VEZT: variants seen among roughly 807,000 people sequenced by gnomAD.
VEZT encodes vezatin, adherens junctions transmembrane protein.
Under a neutral mutation model 79.9 loss-of-function variants are expected in VEZT, and 39 were observed. That is an observed-to-expected ratio of 0.49 (90% CI 0.38 to 0.64). VEZT has a LOEUF of 0.64. Among genes scored for constraint, VEZT ranks in the 30% least tolerant of loss-of-function variants. The pLI is 0.00. For synonymous variants in VEZT, 325 were observed against 327.6 expected (o/e 0.99, Z 0.09); for missense variants, 837 against 893.1 (o/e 0.94, Z 0.80).
chr12:95,257,289 G>A, intron 3 of VEZT, 50 bp downstream of exon 3: 1 of 1,355,540 alleles, frequency 7.4e-7, no homozygotes, highest in African/African-American at 1.5e-5. Context: ...GGTTATTAGT[G>A]AAATAATTGG....
chr12:95,236,329 A>G (rs536388569), intron 1 of VEZT, among the ~76,000 whole-genome samples: 1 of 152,172 alleles, frequency 6.6e-6, no homozygotes, highest in Non-Finnish European at 1.5e-5. Context: ...AGGCTGAGGC[A>G]GGAGAATCAG....
At chr12:95,247,966 T>C (rs1176563472) in intron 1 of VEZT, among the ~76,000 whole-genome samples, 1 of 152,200 alleles carries the variant, frequency 6.6e-6, no homozygotes, top group African/African-American at 2.4e-5. Flanking sequence ...TGCAATACAT[T>C]CACCTCAGTC....
At chr12:95,257,293 T>C in intron 3 of VEZT, 54 bp downstream of exon 3, 1 of 1,340,040 alleles carries the variant, frequency 7.5e-7, no homozygotes, top group South Asian at 1.4e-5. Context: ...ATTAGTGAAA[T>C]AATTGGTGAA....
At chr12:95,244,406 A>T (rs76073346) in intron 1 of VEZT, among the ~76,000 whole-genome samples, 16,323 of 152,112 alleles carry the variant, frequency 0.11, 1,194 homozygotes, top group Non-Finnish European at 0.16. Flanking sequence ...TGATAACCCC[A>T]ATATAATTAT....
chr12:95,236,229 C>T (rs55763776), intron 1 of VEZT, among the ~76,000 whole-genome samples: 63 of 152,070 alleles, frequency 4.1e-4, no homozygotes, highest in Non-Finnish European at 7.2e-4. Context: ...GAGACCAGCC[C>T]GGCCAACACA....
Position 95,302,170 on chromosome 12 carries a change from T to C in VEZT, c.*1497T>C, listed in dbSNP as rs1039785487. ...TCTTATTTAAATCACTTATTTAGTTTACCGACTTCATTTTTCTTTGGATTT... is the reference window on the plus strand; with the variant it reads ...TCTTATTTAAATCACTTATTTAGTTCACCGACTTCATTTTTCTTTGGATTT... On this transcript the variant is annotated 3_prime_UTR_variant, in exon 12 of 12. Transcript: ENST00000436874. The C allele has an allele frequency of 6.6e-6, 1 of 152,214 alleles. No individual in the cohort carries two copies. Among genetic ancestry groups the C allele is most frequent in the African/African-American group, 2.4e-5 (1 of 41,464 alleles). 9.4% of individuals were successfully genotyped at this position (152,214 alleles called of 1,614,324 possible). A position where few individuals can be genotyped will look rare whatever the true frequency, so the allele number is the denominator to read the frequency against.
At chr12:95,270,215 C>T (rs1222610895) in intron 6 of VEZT, 27 bp downstream of exon 6, 15 of 1,565,822 alleles carry the variant, frequency 9.6e-6, no homozygotes, top group Non-Finnish European at 1.3e-5. Context: ...ATATATGAAA[C>T]TAAGCAATGT....
intron 6 of VEZT, among the ~76,000 whole-genome samples, chr12:95,272,719 A>T (rs1254185610): frequency 6.6e-6 from 1 of 152,234 alleles, no homozygotes; most frequent in Non-Finnish European, 1.5e-5. Flanking sequence ...TAGTATATGC[A>T]GCTGCACAGC....
chr12:95,257,164 A>G lies in VEZT; in HGVS notation c.183A>G (p.Leu61=). 6.2e-7 allele frequency: 1 copy of G among 1,610,910 alleles called. No individual in the cohort carries two copies. Among genetic ancestry groups the G allele is most frequent in the Non-Finnish European group, 8.5e-7 (1 of 1,178,626 alleles). Residue 61 remains leucine (L), a synonymous_variant, in exon 3 of 12, where the codon TTA becomes TTG. Transcript: ENST00000436874. ...ATTTCCTTCAGCAAGGTATCCTGTTAAAAGTGGCTGAAACCATCAAAAGTT... is the reference window on the plus strand; with the variant it reads ...ATTTCCTTCAGCAAGGTATCCTGTTGAAAGTGGCTGAAACCATCAAAAGTT... ...TRVLPKQGIL[L]KVAETIKSWI...
chr12:95,248,555 T>G (rs911776669), intron 1 of VEZT, among the ~76,000 whole-genome samples: 1 of 152,182 alleles, frequency 6.6e-6, no homozygotes, highest in African/African-American at 2.4e-5. Flanking sequence ...GGGTCACTGA[T>G]GAGAGAGCAT....
chr12:95,277,097 C>T (rs1402547962), intron 7 of VEZT, among the ~76,000 whole-genome samples: 1 of 151,978 alleles, frequency 6.6e-6, no homozygotes, highest in Non-Finnish European at 1.5e-5. Flanking sequence ...GCAGTACTTT[C>T]CTCAGTTATC....
rs781583052 is a variant in VEZT at position 95,282,503 on chromosome 12, A to G, written c.1187A>G (p.Tyr396Cys). The G allele has an allele frequency of 9.9e-6, 16 of 1,613,920 alleles. No homozygotes were observed. The highest frequency in any genetic ancestry group is 2.2e-5 in the East Asian group (1 of 44,894). Residue 396 changes from tyrosine to cysteine, a missense_variant, in exon 8 of 12, where the codon TAT (tyrosine) becomes TGT (cysteine). By Grantham distance (194) the Tyr-to-Cys change is radical. Transcript: ENST00000436874. Reference protein sequence around the residue: ...SACLEELKRSYEFYRYFETQH... With the variant: ...SACLEELKRSCEFYRYFETQH... Reference sequence around the variant, plus strand: ...TGTTTGGAAGAGCTTAAGCGCAGCTATGAGTTCTATCGGTACTTTGAAACT... The same window carrying G: ...TGTTTGGAAGAGCTTAAGCGCAGCTGTGAGTTCTATCGGTACTTTGAAACT...
chr12:95,234,284 CTTTTTTTTTTT>C (rs10587022), intron 1 of VEZT, among the ~76,000 whole-genome samples: 1 of 122,954 alleles, frequency 8.1e-6, no homozygotes, highest in Non-Finnish European at 1.7e-5. Context: ...TATCAATAAT[CTTTTTTTTTTT>C]TTTTTTTTTG....
chr12:95,242,488 T>G (rs951388954), intron 1 of VEZT, among the ~76,000 whole-genome samples: 6 of 152,216 alleles, frequency 3.9e-5, no homozygotes, highest in Non-Finnish European at 5.9e-5. Context: ...CAGTAGCTAT[T>G]CACAAGTGTG....
At position 95,257,259 on chromosome 12, in the gene VEZT, TG is replaced by T; in HGVS notation, c.258+21del. The T allele has an allele frequency of 6.4e-7, 1 of 1,570,996 alleles. No individual in the cohort carries two copies. Among genetic ancestry groups the T allele is most frequent in the Non-Finnish European group, 8.7e-7 (1 of 1,151,254 alleles). Reference sequence around the variant, plus strand: ...AAGTTGGTAAGTGGTCACTTCTTTTTGCCACTTTTCAGGGTTCTAGGTTATT... The same window carrying T: ...AAGTTGGTAAGTGGTCACTTCTTTTTCCACTTTTCAGGGTTCTAGGTTATT... On this transcript the variant is annotated intron_variant, in intron 3 of 11. Coordinates refer to ENST00000436874, the MANE Select transcript of VEZT (RefSeq NM_017599.4).
chr12:95,257,291 A>T (rs1167457890), intron 3 of VEZT, 52 bp downstream of exon 3: 9 of 1,351,392 alleles, frequency 6.7e-6, no homozygotes, highest in Non-Finnish European at 7.1e-6. Context: ...TTATTAGTGA[A>T]ATAATTGGTG....
At chr12:95,295,185 G>A (rs1036342792) in intron 10 of VEZT, among the ~76,000 whole-genome samples, 4 of 152,118 alleles carry the variant, frequency 2.6e-5, no homozygotes, top group Non-Finnish European at 2.9e-5. Context: ...ATATGAGACC[G>A]AGTCTCACTC....
At chr12:95,228,054 G>A (rs1052290217) in intron 1 of VEZT, among the ~76,000 whole-genome samples, 1 of 151,968 alleles carries the variant, frequency 6.6e-6, no homozygotes, top group African/African-American at 2.4e-5. Flanking sequence ...TTTTCTTCCT[G>A]GCTGAGAAAG....
intron 1 of VEZT, among the ~76,000 whole-genome samples, chr12:95,231,766 G>A (rs1195381491): frequency 6.6e-6 from 1 of 152,070 alleles, no homozygotes; most frequent in Non-Finnish European, 1.5e-5. Context: ...AGGTTTAAGG[G>A]AGATAAAGGC....
Sources: allele counts gnomAD v4.1 joint callset (sites outside exome capture counted in the v4.1 genomes callset), GRCh38; gene constraint gnomAD v4.1.1; transcripts MANE v1.5; gene names NCBI Gene and HGNC (gene_info 2026-07-23, HGNC 2026-07-21).